The following FERMT1 variants were observed in gnomAD, a reference collection of about 807,000 sequenced individuals.
The protein encoded by FERMT1 is FERM domain containing kindlin 1.
Under a neutral mutation model 85.3 loss-of-function variants are expected in FERMT1, and 60 were observed. The ratio of observed to expected loss-of-function variants is 0.70; its 90% CI spans 0.57 to 0.87. FERMT1 has a LOEUF of 0.87. Among genes scored for constraint, FERMT1 ranks in the 40% least tolerant of loss-of-function variants. The probability of loss-of-function intolerance (pLI) is 0.00; values close to 1 mark genes in which losing one functional copy is unlikely to be tolerated. For synonymous variants in FERMT1, 275 were observed against 301.1 expected, an observed-to-expected ratio of 0.91 and a Z score of 0.90; for missense variants, 701 against 818.9, an observed-to-expected ratio of 0.86 and a Z score of 1.76.
At chr20:6,109,733 C>A (rs1982892566) in intron 5 of FERMT1, among the ~76,000 whole-genome samples, 1 of 151,868 alleles carries the variant, frequency 6.6e-6, no homozygotes, top group Admixed American at 6.6e-5. Context: ...AACCCAATCT[C>A]TACTAAAAAA....
chr20:6,121,544 C>G (rs73074397), intron 1 of FERMT1, among the ~76,000 whole-genome samples: 5,214 of 152,378 alleles, frequency 0.034, 119 homozygotes, highest in South Asian at 0.071. Flanking sequence ...GGCCTAACTG[C>G]TTGCCTCTGT....
chr20:6,115,838 C>G lies in FERMT1; in HGVS notation c.358G>C (p.Ala120Pro). The change falls in exon 3 of 15, where the codon GCT (alanine) becomes CCT (proline). Residue 120 changes from alanine (A) to proline (P), a missense_variant. Transcript: ENST00000217289. ...AGGATTTTGCAGATATCACTGACAG[C>G]TTTAAAAACCACAGCTGAGAAGCTG... is the stretch of plus-strand genomic sequence containing the variant. Reference protein sequence around the residue: ...RVSFSAVVFKAVSDICKILNI... With the variant: ...RVSFSAVVFKPVSDICKILNI... 6.2e-7 allele frequency: 1 copy of G among 1,614,180 alleles called. No homozygotes were observed. The highest frequency in any genetic ancestry group is 8.5e-7 in the Non-Finnish European group (1 of 1,180,012).
Position 6,096,873 on chromosome 20 carries a change from AGTTCTGGGT to A in FERMT1, c.1089+20_1089+28del. The A allele has an allele frequency of 6.2e-7, 1 of 1,605,374 alleles. No homozygotes were observed. Among genetic ancestry groups the A allele is most frequent in the Non-Finnish European group, 8.5e-7 (1 of 1,174,644 alleles). On this transcript the variant is annotated intron_variant, in intron 8 of 14. Transcript: ENST00000217289. ...TACTTGTCAATCAGAAGAAAGCCAC[AGTTCTGGGT>A]GATCAGAAAAAGTTCATACCAAAAG...
chr20:6,108,994 CA>C (rs1982870528), intron 5 of FERMT1, among the ~76,000 whole-genome samples: 1 of 152,088 alleles, frequency 6.6e-6, no homozygotes, highest in Non-Finnish European at 1.5e-5. Flanking sequence ...GCATTAGCCC[CA>C]GCTGAATGTG....
At chr20:6,114,735 C>T (rs186897610) in intron 3 of FERMT1, among the ~76,000 whole-genome samples, 126 of 152,284 alleles carry the variant, frequency 8.3e-4, no homozygotes, top group Non-Finnish European at 1.6e-3. Flanking sequence ...GCTCAGGAAA[C>T]GGTTTCTGCT....
chr20:6,112,603 G>C lies in FERMT1; in HGVS notation c.406C>G (p.Leu136Val). The C allele has an allele frequency of 6.3e-7, 1 of 1,585,982 alleles. No individual in the cohort carries two copies. Residue 136 changes from leucine (L) to valine (V), a missense_variant, in exon 4 of 15, where the codon CTT becomes GTT. Coordinates refer to ENST00000217289, the MANE Select transcript of FERMT1 (RefSeq NM_017671.5). ...TCACCAGACGGCTTTAACAAGGAAA[G>C]CTCTTCTGATCTTCTAATATCTAGA... ...KILNIRRSEE[L>V]SLLKPSGDYF...
chr20:6,114,390 C>T (rs748949208), intron 3 of FERMT1, among the ~76,000 whole-genome samples: 11 of 152,202 alleles, frequency 7.2e-5, no homozygotes, highest in East Asian at 1.9e-4. Context: ...AGAAATGCCA[C>T]GCTGAGCCTT....
intron 13 of FERMT1, among the ~76,000 whole-genome samples, chr20:6,083,457 A>G (rs1184169410): frequency 6.6e-6 from 1 of 151,952 alleles, no homozygotes; most frequent in East Asian, 1.9e-4. Flanking sequence ...GCTTGCGGGG[A>G]CCTCTCTAAA....
chr20:6,101,513 AAT>A (rs758079112), intron 6 of FERMT1, among the ~76,000 whole-genome samples: 5 of 152,204 alleles, frequency 3.3e-5, no homozygotes, highest in Admixed American at 2.6e-4. Flanking sequence ...TCTATTCAAA[AAT>A]ATGTTTGTAA....
chr20:6,117,753 G>T (rs1239452454), intron 2 of FERMT1, among the ~76,000 whole-genome samples: 1 of 147,940 alleles, frequency 6.8e-6, no homozygotes, highest in South Asian at 2.2e-4. Context: ...TACCATGTTG[G>T]CCAGGCTGGT....
At chr20:6,097,170 G>T in intron 7 of FERMT1, 137 bp from the exon 8 acceptor site, 3 of 894,794 alleles carry the variant, frequency 3.4e-6, no homozygotes, top group Non-Finnish European at 5.4e-6. Context: ...TCTCCTTCCC[G>T]TGTGGGGAAA....
In FERMT1 at chr20:6,085,313, C is replaced by G. The variant is rs768110850; in HGVS notation, c.1372-26G>C. 6 of 1,605,930 alleles carry G rather than the reference C, an allele frequency of 3.7e-6. No individual in the cohort carries two copies. The South Asian group carries it at 5.5e-5, about 15-fold the overall frequency. ...CTGCAGCAAACAGAAGGTTGAGAAG[C>G]AAGCTCAAGTGCAAAGCCCCCTGCT... On this transcript the variant is annotated intron_variant, in intron 11 of 14. Coordinates refer to ENST00000217289, the MANE Select transcript of FERMT1 (RefSeq NM_017671.5).
intron 12 of FERMT1, 54 bp from the exon 13 acceptor site, chr20:6,084,218 C>T: frequency 1.3e-6 from 2 of 1,568,834 alleles, no homozygotes; most frequent in South Asian, 1.2e-5. Flanking sequence ...GCTCTGTGAT[C>T]ACCCTGTTAG....
At chr20:6,080,075 A>G (rs1056195233) in intron 13 of FERMT1, among the ~76,000 whole-genome samples, 2 of 152,300 alleles carry the variant, frequency 1.3e-5, no homozygotes, top group Admixed American at 6.5e-5. Context: ...TGATCAAAAA[A>G]TGGATATGCA....
At position 6,077,330 on chromosome 20, in the gene FERMT1, T is replaced by C; in HGVS notation, c.1877A>G (p.Asp626Gly). The C allele has an allele frequency of 6.2e-7, 1 of 1,614,028 alleles. No individual in the cohort carries two copies. Among genetic ancestry groups the C allele is most frequent in the Non-Finnish European group, 8.5e-7 (1 of 1,180,016 alleles). Residue 626 changes from aspartate (D) to glycine (G), a missense_variant, in exon 15 of 15, where the codon GAC becomes GGC. Transcript: ENST00000217289. ...WETRQVVIEF[D>G]QNVFTAFTCL... ...GGTGAAAGCAGTAAAGACGTTTTGG[T>C]CAAACTCGATGACCACCTGGAAGAG...
intron 6 of FERMT1, among the ~76,000 whole-genome samples, chr20:6,103,164 CCT>C (rs1355383708): frequency 6.6e-6 from 1 of 152,018 alleles, no homozygotes; most frequent in Non-Finnish European, 1.5e-5. Flanking sequence ...AGTTAGTCCC[CCT>C]CTCTACCTTG....
At chr20:6,093,975 G>GA (rs1222618665) in intron 9 of FERMT1, 5 of 152,010 alleles carry the variant, frequency 3.3e-5, no homozygotes, top group African/African-American at 7.3e-5. Context: ...AGAAGAAGAA[G>GA]AAAAAAGAAT....
intron 13 of FERMT1, among the ~76,000 whole-genome samples, chr20:6,083,545 G>A (rs975250995): frequency 3.3e-5 from 5 of 151,634 alleles, no homozygotes; most frequent in Admixed American, 6.6e-5. Context: ...AAAGAAAGTC[G>A]TAGCCAGGTG....
chr20:6,112,485 CCTGAAG>C lies in FERMT1; in HGVS notation c.518_523del (p.Ala173_Ser174del), dbSNP rs1568664451. 6.2e-7 allele frequency: 1 copy of C among 1,613,782 alleles called. No individual in the cohort carries two copies. The highest frequency in any genetic ancestry group is 1.7e-5 in the Admixed American group (1 of 60,006). Reference sequence around the variant, plus strand: ...CCTGTAACAAGTCTTACCTGATGAACCTGAAGCTGTTGGAGAACTCTCCAGGTTTAG... The same window carrying C: ...CCTGTAACAAGTCTTACCTGATGAACCTGTTGGAGAACTCTCCAGGTTTAG... On this transcript the variant is annotated inframe_deletion, in exon 4 of 15. Transcript: ENST00000217289.
Sources: gnomAD v4.1 joint callset for allele counts (sites outside exome capture counted in the v4.1 genomes callset) on GRCh38, gnomAD v4.1.1 for gene constraint, MANE v1.5 for transcripts, NCBI Gene and HGNC (gene_info 2026-07-23, HGNC 2026-07-21) for gene names.